The following PEX2 variants were observed in gnomAD, a reference collection of about 807,000 sequenced individuals.
PEX2 encodes the protein peroxisome biogenesis factor 2.
A neutral mutation model predicts 25.2 loss-of-function variants in PEX2; 19 were observed. The observed-to-expected ratio is 0.75, with a 90% CI of 0.53 to 1.10. PEX2 has a LOEUF of 1.10. Among genes scored for constraint, PEX2 ranks in the 50% least tolerant of loss-of-function variants. The pLI, the probability that PEX2 is intolerant of heterozygous loss-of-function variation, is 0.00. For synonymous variants in PEX2, 141 were observed against 127.7 expected (o/e 1.10, Z -0.70); for missense variants, 347 against 350.6 (o/e 0.99, Z 0.08).
intron 1 of PEX2, among the ~76,000 whole-genome samples, chr8:76,994,014 G>T (rs927609056): frequency 2.6e-5 from 4 of 151,966 alleles, no homozygotes; most frequent in African/African-American, 9.7e-5. Flanking sequence ...ACTAGGGTTC[G>T]TGTGATTAAC....
intron 1 of PEX2, among the ~76,000 whole-genome samples, chr8:76,992,043 A>G (rs1807186250): frequency 6.6e-6 from 1 of 152,180 alleles, no homozygotes; most frequent in African/African-American, 2.4e-5. Flanking sequence ...TGACATCATT[A>G]AGACATAAAT....
At chr8:76,999,918 G>C (rs1039678104) in intron 1 of PEX2, 72 bp downstream of exon 1, 1 of 456,512 alleles carries the variant, frequency 2.2e-6, no homozygotes, top group African/African-American at 2.0e-5. Flanking sequence ...ACAAGGTCGT[G>C]AAACTCCACG....
At chr8:76,996,743 G>A (rs998028508) in intron 1 of PEX2, among the ~76,000 whole-genome samples, 1 of 152,088 alleles carries the variant, frequency 6.6e-6, no homozygotes, top group African/African-American at 2.4e-5. Flanking sequence ...GGAATAGGAG[G>A]AACTACCATG....
chr8:77,000,539 T>C (rs1807481580), upstream of PEX2, among the ~76,000 whole-genome samples: 1 of 152,124 alleles, frequency 6.6e-6, no homozygotes, highest in African/African-American at 2.4e-5. Context: ...AGGGATGGCC[T>C]GGTGGGGAGG....
chr8:76,993,433 C>A (rs1358712157), intron 1 of PEX2, among the ~76,000 whole-genome samples: 2 of 152,054 alleles, frequency 1.3e-5, no homozygotes, highest in East Asian at 3.9e-4. Context: ...AAGAGGAAGA[C>A]TATACTATCC....
At chr8:76,987,169 G>A (rs2132048642) in intron 2 of PEX2, among the ~76,000 whole-genome samples, 1 of 152,310 alleles carries the variant, frequency 6.6e-6, no homozygotes, top group East Asian at 1.9e-4. Flanking sequence ...CCCTTGTGGA[G>A]GGTTGTGGAA....
rs1162943419 is a variant in PEX2, at chr8:76,981,585, G to A, written c.*1676C>T. 1.3e-5 allele frequency: 2 copies of A among 152,172 alleles called. No individual in the cohort carries two copies. Among genetic ancestry groups the A allele is most frequent in the Non-Finnish European group, 2.9e-5 (2 of 68,032 alleles). 9.4% of individuals were successfully genotyped at this position (152,172 alleles called of 1,614,324 possible). On this transcript the variant is annotated 3_prime_UTR_variant, in exon 4 of 4. Transcript: ENST00000357039. ...AGGGAGCCTGGGATTACAGGCATGA[G>A]CCATTGTGCTCAGCCCTAAAATAGT...
At chr8:76,987,737 G>C (rs1342524619) in intron 2 of PEX2, among the ~76,000 whole-genome samples, 1 of 152,100 alleles carries the variant, frequency 6.6e-6, no homozygotes, top group Non-Finnish European at 1.5e-5. Context: ...CTTTGACAGC[G>C]GTGAGGTGGT....
chr8:76,992,998 T>C (rs541688676), intron 1 of PEX2, among the ~76,000 whole-genome samples: 2 of 152,242 alleles, frequency 1.3e-5, no homozygotes, highest in East Asian at 1.9e-4. Context: ...CTCCTGACCA[T>C]AGCCTAGCTG....
chr8:76,983,134 G>C lies in PEX2; in HGVS notation c.*127C>G. On this transcript the variant is annotated 3_prime_UTR_variant, in exon 4 of 4. Coordinates refer to ENST00000357039, the MANE Select transcript of PEX2 (RefSeq NM_000318.3). ...AGTGATTAGATTTCAGTCATGCCTG[G>C]AAAGGAGAAGACAGTGGCTAGGAGC... 1 of 1,559,196 alleles carries C rather than the reference G, an allele frequency of 6.4e-7. No homozygotes were observed. The highest frequency in any genetic ancestry group is 8.6e-7 in the Non-Finnish European group (1 of 1,159,296).
chr8:76,983,132 T>G lies in PEX2; in HGVS notation c.*129A>C. ...CCAGTGATTAGATTTCAGTCATGCCTGGAAAGGAGAAGACAGTGGCTAGGA... is the reference window on the plus strand; with the variant it reads ...CCAGTGATTAGATTTCAGTCATGCCGGGAAAGGAGAAGACAGTGGCTAGGA... On this transcript the variant is annotated 3_prime_UTR_variant, in exon 4 of 4. Coordinates refer to ENST00000357039, the MANE Select transcript of PEX2 (RefSeq NM_000318.3). The G allele has an allele frequency of 6.4e-7, 1 of 1,558,428 alleles. No homozygotes were observed. Among genetic ancestry groups the G allele is most frequent in the Non-Finnish European group, 8.6e-7 (1 of 1,159,184 alleles).
chr8:76,983,085 T>C lies in PEX2; in HGVS notation c.*176A>G. On this transcript the variant is annotated 3_prime_UTR_variant, in exon 4 of 4. Transcript: ENST00000357039. ...ACATAATACATTAACATTTACATAA[T>C]ATATTTAGAATCACATGGTTTCCAG... The C allele has an allele frequency of 7.0e-7, 1 of 1,422,196 alleles. No individual in the cohort carries two copies. 88.1% of individuals were successfully genotyped at this position (1,422,196 alleles called of 1,614,324 possible).
chr8:76,987,155 T>G (rs1461987081), intron 2 of PEX2, among the ~76,000 whole-genome samples: 1 of 152,232 alleles, frequency 6.6e-6, no homozygotes, highest in Non-Finnish European at 1.5e-5. Context: ...GACACTGTTT[T>G]CAACCCTTGT....
intron 2 of PEX2, among the ~76,000 whole-genome samples, chr8:76,986,964 A>T (rs1807021973): frequency 6.6e-6 from 1 of 152,246 alleles, no homozygotes; most frequent in African/African-American, 2.4e-5. Flanking sequence ...AAATGAATAA[A>T]TGAATAGGAT....
At chr8:77,000,181 G>A (rs1425674015), upstream of PEX2, 1 of 312,262 alleles carries the variant, frequency 3.2e-6, no homozygotes, top group Non-Finnish European at 6.3e-6. Context: ...CGCTTTAGCG[G>A]CGCTGCTGAA....
chr8:76,980,764 C>A lies in PEX2; in HGVS notation c.*2497G>T, dbSNP rs1806794626. ...AACCGACTCAGAGTAATACTGACAA[C>A]AGCAAAGGAAAGCACTACTATTATA... On this transcript the variant is annotated 3_prime_UTR_variant, in exon 4 of 4. Transcript: ENST00000357039. 1 of 152,196 alleles carries A rather than the reference C, an allele frequency of 6.6e-6. No individual in the cohort carries two copies. Among genetic ancestry groups the A allele is most frequent in the Non-Finnish European group, 1.5e-5 (1 of 68,036 alleles). The allele number at this position is 152,196 out of a possible 1,614,324, so 9.4% of individuals were successfully genotyped here.
chr8:76,988,207 CT>C lies in PEX2; in HGVS notation c.-128+99del, dbSNP rs1372906988. On this transcript the variant is annotated intron_variant, in intron 2 of 3. Coordinates refer to ENST00000357039, the MANE Select transcript of PEX2 (RefSeq NM_000318.3). ...TCTCTGGGCTTTTAATCCTTCTAAA[CT>C]GTGGTCTTCACCATCACAGTCCTGT... The C allele has an allele frequency of 9.2e-5, 14 of 152,296 alleles. 1 individual carries two copies. Among genetic ancestry groups the C allele is most frequent in the African/African-American group, 3.4e-4 (14 of 41,570 alleles). The allele number at this position is 152,296 out of a possible 1,614,324, so 9.4% of individuals were successfully genotyped here. A position where few individuals can be genotyped will look rare whatever the true frequency, so the allele number is the denominator to read the frequency against.
intron 3 of PEX2, 44 bp from the exon 4 acceptor site, chr8:76,984,239 T>C (rs1806939405): frequency 9.3e-6 from 14 of 1,497,650 alleles, no homozygotes; most frequent in Middle Eastern, 3.4e-4. Context: ...AGAGTTGCAA[T>C]CTTGTACAAC....
intron 1 of PEX2, among the ~76,000 whole-genome samples, chr8:76,992,613 A>G (rs1807205698): frequency 1.3e-5 from 2 of 152,244 alleles, no homozygotes; most frequent in Non-Finnish European, 2.9e-5. Flanking sequence ...GGTATGAAGC[A>G]TAAATGCCAT....
Sources: allele counts gnomAD v4.1 joint callset (sites outside exome capture counted in the v4.1 genomes callset), GRCh38; gene constraint gnomAD v4.1.1; transcripts MANE v1.5; gene names NCBI Gene and HGNC (gene_info 2026-07-23, HGNC 2026-07-21).